TMEM108: variants seen among roughly 807,000 people sequenced by gnomAD.
TMEM108 encodes the protein cancer/testis antigen 124.
A neutral mutation model predicts 35.1 loss-of-function variants in TMEM108; 12 were observed. The ratio of observed to expected loss-of-function variants is 0.34; its 90% CI spans 0.22 to 0.55. The LOEUF is 0.55. Ranked by LOEUF, TMEM108 falls within the 20% of genes least tolerant of loss-of-function variation. TMEM108 has a pLI of 0.89. For synonymous variants in TMEM108, 287 were observed against 308.6 expected (o/e 0.93, Z 0.73); for missense variants, 680 against 753.3 (o/e 0.90, Z 1.14).
intron 2 of TMEM108, among the ~76,000 whole-genome samples, chr3:133,177,324 C>T (rs1380524412): frequency 1.3e-5 from 2 of 152,174 alleles, no homozygotes; most frequent in Non-Finnish European, 2.9e-5. Flanking sequence ...ATGAGGCCAG[C>T]ATCATCCTGA....
chr3:133,281,932 C>T (rs1250834823), intron 3 of TMEM108, among the ~76,000 whole-genome samples: 2 of 152,066 alleles, frequency 1.3e-5, no homozygotes, highest in Non-Finnish European at 2.9e-5. Flanking sequence ...CCAAGGTGGG[C>T]GGATCATGAG....
chr3:133,048,347 A>G lies in TMEM108; in HGVS notation c.-47+2327A>G, dbSNP rs554833998. On this transcript the variant is annotated intron_variant, in intron 2 of 5. Coordinates refer to ENST00000321871, the MANE Select transcript of TMEM108 (RefSeq NM_023943.4). ...CAGTGTTTATTCTAGAAACTTTTACATTTCTATTTCTTCTCTTCTTTAGGA... is the reference window on the plus strand; with the variant it reads ...CAGTGTTTATTCTAGAAACTTTTACGTTTCTATTTCTTCTCTTCTTTAGGA... Among the ~76,000 whole-genome samples, 3 of 152,344 alleles carry G rather than the reference A, an allele frequency of 2.0e-5. No individual in the cohort carries two copies. The South Asian group carries it at 6.2e-4, about 32-fold the overall frequency.
intron 2 of TMEM108, among the ~76,000 whole-genome samples, chr3:133,077,426 G>A (rs758894115): frequency 6.6e-6 from 1 of 152,132 alleles, no homozygotes; most frequent in African/African-American, 2.4e-5. Context: ...GAGATAGGGC[G>A]TCCAGGCTAC....
chr3:133,086,631 C>T (rs533445130), intron 2 of TMEM108, among the ~76,000 whole-genome samples: 1 of 152,300 alleles, frequency 6.6e-6, no homozygotes, highest in Non-Finnish European at 1.5e-5. Context: ...ATGAGGTACA[C>T]TCTGTGGTGA....
chr3:133,238,632 G>T (rs755374150), intron 3 of TMEM108, among the ~76,000 whole-genome samples: 1 of 152,114 alleles, frequency 6.6e-6, no homozygotes, highest in Non-Finnish European at 1.5e-5. Flanking sequence ...TGGAACAAAA[G>T]AATTTCCCTT....
chr3:133,289,423 G>A (rs1276851608), intron 3 of TMEM108, among the ~76,000 whole-genome samples: 1 of 152,180 alleles, frequency 6.6e-6, no homozygotes, highest in Non-Finnish European at 1.5e-5. Flanking sequence ...ACTGTGGATG[G>A]AAGCACAGCA....
chr3:133,165,387 G>A (rs913730996), intron 2 of TMEM108, among the ~76,000 whole-genome samples: 2 of 152,100 alleles, frequency 1.3e-5, no homozygotes, highest in Non-Finnish European at 2.9e-5. Flanking sequence ...TGGATGATTC[G>A]AAGTGACAGA....
chr3:133,061,256 G>A lies in TMEM108; in HGVS notation c.-47+15236G>A, dbSNP rs561320475. Among the ~76,000 whole-genome samples, 464 of 142,692 alleles carry A rather than the reference G, an allele frequency of 3.3e-3. 3 individuals are homozygous for A. The highest frequency in any genetic ancestry group is 0.012 in the African/African-American group (444 of 38,088). 93.6% of individuals were successfully genotyped at this position (142,692 alleles called of 152,430 possible). A position where few individuals can be genotyped will look rare whatever the true frequency, so the allele number is the denominator to read the frequency against. ...AGACAGAGTCTCACTCTGTCGCCCA[G>A]GCTGGAGTGCAGTGGCACGATCTCT... On this transcript the variant is annotated intron_variant, in intron 2 of 5. Coordinates refer to ENST00000321871, the MANE Select transcript of TMEM108 (RefSeq NM_023943.4).
intron 2 of TMEM108, among the ~76,000 whole-genome samples, chr3:133,209,643 A>G (rs1945807924): frequency 6.6e-6 from 1 of 152,054 alleles, no homozygotes; most frequent in South Asian, 2.1e-4. Context: ...GCAGTTGGCT[A>G]TGGTCCCCAG....
chr3:133,196,615 G>A (rs1274551702), intron 2 of TMEM108, among the ~76,000 whole-genome samples: 2 of 152,140 alleles, frequency 1.3e-5, no homozygotes, highest in Non-Finnish European at 2.9e-5. Context: ...ATCAGGTAGG[G>A]GATTGCATTC....
chr3:133,284,930 T>G (rs1324446177), intron 3 of TMEM108, among the ~76,000 whole-genome samples: 5 of 150,888 alleles, frequency 3.3e-5, no homozygotes, highest in East Asian at 1.9e-4. Flanking sequence ...TTGTTTTTTG[T>G]TTTTTTTTAC....
rs571877285 is a variant in TMEM108 at position 133,067,400 on chromosome 3, G to C, written c.-47+21380G>C. On this transcript the variant is annotated intron_variant, in intron 2 of 5. Coordinates refer to ENST00000321871, the MANE Select transcript of TMEM108 (RefSeq NM_023943.4). ...ACCAGAGATGAGTTATATATATCCT[G>C]CTCATCTTACTCACCAGACCTTCCT... Among the ~76,000 whole-genome samples, 4 of 152,146 alleles carry C rather than the reference G, an allele frequency of 2.6e-5. No individual in the cohort carries two copies. In the East Asian group the frequency reaches 5.8e-4, roughly 22 times the overall value.
chr3:133,358,286 C>T (rs2072237294), intron 3 of TMEM108, among the ~76,000 whole-genome samples: 1 of 151,980 alleles, frequency 6.6e-6, no homozygotes, highest in African/African-American at 2.4e-5. Context: ...ATCCTCCTGC[C>T]TTAGCCTCCC....
At chr3:133,225,395 C>T (rs187461651) in intron 2 of TMEM108, among the ~76,000 whole-genome samples, 2 of 152,154 alleles carry the variant, frequency 1.3e-5, no homozygotes, top group African/African-American at 4.8e-5. Context: ...CTTTTTCTTC[C>T]TCATACAAAT....
At chr3:133,140,166 G>T (rs1175536644) in intron 2 of TMEM108, among the ~76,000 whole-genome samples, 1 of 152,142 alleles carries the variant, frequency 6.6e-6, no homozygotes, top group African/African-American at 2.4e-5. Flanking sequence ...GAAAAGATTT[G>T]CCGAGCTCCT....
rs573073648 is a variant in TMEM108 at position 133,043,024 on chromosome 3, T to G, written c.-165-2878T>G. On this transcript the variant is annotated intron_variant, in intron 1 of 5. Transcript: ENST00000321871. ...GCAGCTCATTCTTTTCTTCACTGATTGATTGTGAGCAGGATTTTTCACTGC... is the reference window on the plus strand; with the variant it reads ...GCAGCTCATTCTTTTCTTCACTGATGGATTGTGAGCAGGATTTTTCACTGC... Among the ~76,000 whole-genome samples the G allele has an allele frequency of 1.4e-4, 22 of 152,350 alleles. No individual in the cohort carries two copies. The South Asian group carries it at 4.1e-3, about 29-fold the overall frequency.
chr3:133,181,038 A>AAAAAAAAAAG (rs869218859), intron 2 of TMEM108, among the ~76,000 whole-genome samples: 1 of 126,444 alleles, frequency 7.9e-6, no homozygotes, highest in African/African-American at 2.9e-5. Context: ...AAAAAAAAAA[A>AAAAAAAAAAG]CAGCACTCCC....
chr3:133,058,988 G>A (rs1943505583), intron 2 of TMEM108, among the ~76,000 whole-genome samples: 1 of 152,240 alleles, frequency 6.6e-6, no homozygotes, highest in African/African-American at 2.4e-5. Context: ...TCTGGAGACT[G>A]GAAGTCTGAG....
intron 2 of TMEM108, among the ~76,000 whole-genome samples, chr3:133,094,434 A>G (rs1943987669): frequency 6.6e-6 from 1 of 152,130 alleles, no homozygotes; most frequent in African/African-American, 2.4e-5. Flanking sequence ...AGAATCTTCA[A>G]GAATCACAAA....
Sources: allele counts gnomAD v4.1 joint callset (sites outside exome capture counted in the v4.1 genomes callset), GRCh38; gene constraint gnomAD v4.1.1; transcripts MANE v1.5; gene names NCBI Gene and HGNC (gene_info 2026-07-23, HGNC 2026-07-21).